Variants in PCTP observed in about 807,000 individuals in gnomAD.
PCTP encodes START domain-containing protein 2.
Under a neutral mutation model 31.0 loss-of-function variants are expected in PCTP, and 27 were observed. The observed-to-expected ratio is 0.87, with a 90% confidence interval of 0.64 to 1.20. PCTP has a LOEUF of 1.20. PCTP is among the 50% of genes most tolerant of loss of function. PCTP has a pLI of 0.00. For missense variants in PCTP, 287 were observed against 268.2 expected (o/e 1.07, Z -0.49); for synonymous variants, 108 against 101.2 (o/e 1.07, Z -0.40).
chr17:55,822,894 C>T, exon 4 of PCTP: 12 of 1,094,354 alleles, frequency 1.1e-5, no homozygotes, highest in Non-Finnish European at 1.4e-5. Context: ...AGAAAAGAAG[C>T]TGAGTCTTTG....
At chr17:55,769,253 G>A (rs1304976672) in intron 2 of PCTP, 1 of 152,246 alleles carries the variant, frequency 6.6e-6, no homozygotes, top group East Asian at 1.9e-4. Context: ...TGTCAGCTCA[G>A]CTTGGAGTTT....
At chr17:55,752,954 G>A (rs1909791881) in intron 1 of PCTP, among the ~76,000 whole-genome samples, 1 of 152,152 alleles carries the variant, frequency 6.6e-6, no homozygotes, top group South Asian at 2.1e-4. Context: ...TGTTGCCCAG[G>A]TTGGTCTTGG....
intron 1 of PCTP, among the ~76,000 whole-genome samples, chr17:55,758,674 T>C (rs2912549): frequency 0.82 from 124,420 of 152,162 alleles, 54,591 homozygotes; most frequent in Non-Finnish European, 0.98. Flanking sequence ...CACCCGTCTG[T>C]GGCATTCTAC....
intron 3 of PCTP, among the ~76,000 whole-genome samples, chr17:55,817,250 G>A (rs1370385554): frequency 1.3e-5 from 2 of 152,202 alleles, no homozygotes; most frequent in African/African-American, 2.4e-5. Context: ...TCTTTTGGGG[G>A]TTGTTGGGTA....
rs150652643 is a variant in PCTP, at chr17:55,810,246, G to A, written c.318-12515G>A. Among the ~76,000 whole-genome samples, 335 of 152,300 alleles carry A rather than the reference G, an allele frequency of 2.2e-3. 1 individual carries two copies. The highest frequency in any genetic ancestry group is 7.8e-3 in the African/African-American group (324 of 41,570). On this transcript the variant is annotated intron_variant, in intron 3 of 3. Transcript: ENST00000572536. ...TGCCCAGGCTGGTCGCAAACTCCTGGCCTCAAGTGATCCTCCTGCCTTGGC... is the reference window on the plus strand; with the variant it reads ...TGCCCAGGCTGGTCGCAAACTCCTGACCTCAAGTGATCCTCCTGCCTTGGC...
chr17:55,810,310 C>G (rs1218664922), intron 3 of PCTP, among the ~76,000 whole-genome samples: 1 of 152,218 alleles, frequency 6.6e-6, no homozygotes, highest in Non-Finnish European at 1.5e-5. Context: ...AGCCATGGTG[C>G]CTGGCCGAGC....
At chr17:55,812,549 A>C (rs1912786808) in intron 3 of PCTP, among the ~76,000 whole-genome samples, 1 of 152,202 alleles carries the variant, frequency 6.6e-6, no homozygotes, top group Non-Finnish European at 1.5e-5. Context: ...ACCAAGAGAA[A>C]GTGTGAGGTC....
chr17:55,772,921 CA>C (rs1911092417), intron 3 of PCTP, among the ~76,000 whole-genome samples: 1 of 152,174 alleles, frequency 6.6e-6, no homozygotes, highest in Admixed American at 6.5e-5. Flanking sequence ...ACCAAACTCA[CA>C]GGGTCTTTGT....
chr17:55,817,417 C>G (rs578005610), intron 3 of PCTP, among the ~76,000 whole-genome samples: 1 of 152,312 alleles, frequency 6.6e-6, no homozygotes, highest in East Asian at 1.9e-4. Context: ...AGCCAGAAGT[C>G]AAGTTATTAT....
chr17:55,777,404 T>A, downstream of PCTP: 1 of 977,348 alleles, frequency 1.0e-6, no homozygotes, highest in Non-Finnish European at 1.2e-6. Context: ...CCTTCCTACC[T>A]TCTTCCTTTT....
chr17:55,810,809 G>T (rs1297496381), intron 3 of PCTP, among the ~76,000 whole-genome samples: 1 of 152,202 alleles, frequency 6.6e-6, no homozygotes, highest in African/African-American at 2.4e-5. Flanking sequence ...GAGCTAATGG[G>T]GCAACACTAG....
At chr17:55,766,241 C>T (rs571792786) in intron 1 of PCTP, among the ~76,000 whole-genome samples, 3 of 151,186 alleles carry the variant, frequency 2.0e-5, no homozygotes, top group Non-Finnish European at 2.9e-5. Context: ...GCATGAACGT[C>T]GTCATCAGCT....
At chr17:55,761,511 G>A (rs1910338357) in intron 1 of PCTP, among the ~76,000 whole-genome samples, 1 of 147,758 alleles carries the variant, frequency 6.8e-6, no homozygotes, top group Non-Finnish European at 1.5e-5. Context: ...ATACCTACTG[G>A]CATTATATAT....
chr17:55,842,666 G>T (rs1252872725), intron 5 of PCTP: 1 of 152,198 alleles, frequency 6.6e-6, no homozygotes, highest in African/African-American at 2.4e-5. Context: ...TCAAGGGAAA[G>T]AACAAATAAG....
At chr17:55,757,277 CAT>C (rs756413975) in intron 1 of PCTP, among the ~76,000 whole-genome samples, 26 of 149,800 alleles carry the variant, frequency 1.7e-4, no homozygotes, top group Non-Finnish European at 2.8e-4. Flanking sequence ...TATACACAAG[CAT>C]GTGTGTGTGT....
At chr17:55,827,874 T>A (rs34760261), downstream of PCTP, among the ~76,000 whole-genome samples, 2 of 152,134 alleles carry the variant, frequency 1.3e-5, no homozygotes, top group Non-Finnish European at 2.9e-5. Context: ...GCTTAGCTTA[T>A]CCCTCCCTGA....
At chr17:55,810,091 C>T (rs1912698960) in intron 3 of PCTP, among the ~76,000 whole-genome samples, 2 of 152,088 alleles carry the variant, frequency 1.3e-5, no homozygotes, top group East Asian at 1.9e-4. Flanking sequence ...GGGATCATCA[C>T]TCACTGCAAC....
chr17:55,817,417 CAAGTT>C (rs1266206187), intron 3 of PCTP, among the ~76,000 whole-genome samples: 1 of 152,194 alleles, frequency 6.6e-6, no homozygotes, highest in Non-Finnish European at 1.5e-5. Context: ...AGCCAGAAGT[CAAGTT>C]ATTATTTTGT....
intron 3 of PCTP, among the ~76,000 whole-genome samples, chr17:55,790,621 A>G (rs961226468): frequency 1.2e-4 from 18 of 151,504 alleles, no homozygotes; most frequent in Non-Finnish European, 5.9e-5. Flanking sequence ...CTCTTCAAGG[A>G]GAACTACAAA....
Sources: allele counts gnomAD v4.1 joint callset (sites outside exome capture counted in the v4.1 genomes callset), GRCh38; gene constraint gnomAD v4.1.1; transcripts MANE v1.5; gene names NCBI Gene and HGNC (gene_info 2026-07-23, HGNC 2026-07-21).